JPH2: variants seen among roughly 807,000 people sequenced by gnomAD.
JPH2 encodes junctophilin-2.
A neutral mutation model predicts 55.9 loss-of-function variants in JPH2; 38 were observed. The observed-to-expected ratio is 0.68, with a 90% CI of 0.52 to 0.89. The LOEUF (loss-of-function observed/expected upper bound fraction) is 0.89. Among genes scored for constraint, JPH2 ranks in the 40% least tolerant of loss-of-function variants. The pLI is 0.00. For missense variants in JPH2, 964 were observed against 1,037.6 expected, an observed-to-expected ratio of 0.93 and a Z score of 0.97; for synonymous variants, 480 against 472.4, an observed-to-expected ratio of 1.02 and a Z score of -0.21.
rs1273230924 is a variant in JPH2, at chr20:44,160,162, C to A, written c.625G>T (p.Glu209Ter). Residue 209 changes from glutamate to a stop codon, truncating the protein, a stop_gained, in exon 2 of 6, where the codon GAG (glutamate) becomes TAG (stop). Coordinates refer to ENST00000372980, the MANE Select transcript of JPH2 (RefSeq NM_020433.5). LOFTEE classifies it high-confidence loss of function. The surrounding 1 kb of genome is among the most constrained non-coding windows in gnomAD (Gnocchi z 4.9). ...CCCTTGGGCGCCCGCGCGGCCGCCT[C>A]GGCATTGGCCAGGAGGCTGAGCGCG... is the stretch of plus-strand genomic sequence containing the variant. ...GFALSLLANA[E>*]AAARAPKGGG... The A allele has an allele frequency of 7.0e-7, 1 of 1,420,894 alleles. No individual in the cohort carries two copies. 88.0% of individuals were successfully genotyped at this position (1,420,894 alleles called of 1,614,324 possible).
intron 1 of JPH2, among the ~76,000 whole-genome samples, chr20:44,175,001 T>TA (rs11483850): frequency 0.12 from 17,905 of 150,298 alleles, 1,671 homozygotes; most frequent in Admixed American, 0.32. Flanking sequence ...TGTCTCAAAT[T>TA]AAAAAAAAAG....
At chr20:44,148,896 T>C (rs1380380259) in intron 2 of JPH2, among the ~76,000 whole-genome samples, 1 of 151,910 alleles carries the variant, frequency 6.6e-6, no homozygotes, top group Non-Finnish European at 1.5e-5. Context: ...ACCCCGTCTC[T>C]ACTAAAAAAA....
At chr20:44,133,911 TACA>T (rs371091813) in intron 2 of JPH2, among the ~76,000 whole-genome samples, 12 of 40,942 alleles carry the variant, frequency 2.9e-4, no homozygotes, top group South Asian at 1.3e-3. Context: ...TAAATAAATA[TACA>T]TTATAATATA....
At chr20:44,185,027 C>T (rs2072820616) in intron 1 of JPH2, among the ~76,000 whole-genome samples, 1 of 152,204 alleles carries the variant, frequency 6.6e-6, no homozygotes, top group Non-Finnish European at 1.5e-5. Flanking sequence ...CCTCCCACCA[C>T]AGCTTCCCAA....
intron 2 of JPH2, among the ~76,000 whole-genome samples, chr20:44,127,679 C>T (rs113330353): frequency 3.3e-5 from 5 of 151,702 alleles, no homozygotes; most frequent in African/African-American, 4.8e-5. Flanking sequence ...TTAGTAGAGA[C>T]GGGGTTTCAT....
chr20:44,183,946 G>A (rs957704940), intron 1 of JPH2, among the ~76,000 whole-genome samples: 1 of 151,964 alleles, frequency 6.6e-6, no homozygotes, highest in Non-Finnish European at 1.5e-5. Context: ...GAGGTCAGGA[G>A]TTCAAGACCA....
Position 44,186,309 on chromosome 20 carries a change from G to C in JPH2, c.379+18C>G. On this transcript the variant is annotated intron_variant, in intron 1 of 5. Transcript: ENST00000372980. ...CCCTGGCTCCACCCCACCTCTGCGGGCCCCCAGCTGGCCTCACCTCCATCA... is the reference window on the plus strand; with the variant it reads ...CCCTGGCTCCACCCCACCTCTGCGGCCCCCCAGCTGGCCTCACCTCCATCA... The C allele has an allele frequency of 6.2e-7, 1 of 1,606,236 alleles. No individual in the cohort carries two copies. The highest frequency in any genetic ancestry group is 1.4e-5 in the African/African-American group (1 of 73,738).
intron 1 of JPH2, among the ~76,000 whole-genome samples, chr20:44,165,993 C>A (rs569851483): frequency 6.6e-6 from 1 of 152,320 alleles, no homozygotes; most frequent in African/African-American, 2.4e-5. Context: ...TCCCCCCTCA[C>A]TGGCATGCGA....
chr20:44,120,309 G>C (rs1026684593), intron 2 of JPH2, among the ~76,000 whole-genome samples: 1 of 152,132 alleles, frequency 6.6e-6, no homozygotes, highest in Non-Finnish European at 1.5e-5. Context: ...ACAGTTGCAC[G>C]TGACAGGAGC....
chr20:44,115,912 T>C lies in JPH2; in HGVS notation c.1763A>G (p.Glu588Gly). The change falls in exon 4 of 6, where the codon GAG (glutamate) becomes GGG (glycine). Residue 588 changes from glutamate to glycine, a missense_variant. Transcript: ENST00000372980. ...GGGCGCGGACTCGGACCCGGAGACC[T>C]CGGGCTCGGGCTGGTCCTCAAAGGG... ...PPPFEDQPEP[E>G]VSGSESAPSS... The C allele has an allele frequency of 6.4e-7, 1 of 1,570,264 alleles. No homozygotes were observed. The highest frequency in any genetic ancestry group is 8.6e-7 in the Non-Finnish European group (1 of 1,164,510).
intron 2 of JPH2, among the ~76,000 whole-genome samples, chr20:44,152,145 C>T (rs2072535758): frequency 6.6e-6 from 1 of 152,248 alleles, no homozygotes; most frequent in African/African-American, 2.4e-5. Flanking sequence ...AGCGCCCTGG[C>T]ACAAGCCTGG....
intron 2 of JPH2, among the ~76,000 whole-genome samples, chr20:44,139,460 C>T (rs1016838701): frequency 6.6e-6 from 1 of 152,122 alleles, no homozygotes; most frequent in African/African-American, 2.4e-5. Flanking sequence ...AATTGTGGCA[C>T]AGCTATATAA....
chr20:44,184,969 T>C (rs2072820048), intron 1 of JPH2, among the ~76,000 whole-genome samples: 2 of 152,204 alleles, frequency 1.3e-5, no homozygotes, highest in South Asian at 4.1e-4. Context: ...AAAATGGGGA[T>C]CTTGCTAGAT....
intron 2 of JPH2, among the ~76,000 whole-genome samples, chr20:44,119,919 C>G (rs2072223005): frequency 6.6e-6 from 1 of 151,506 alleles, no homozygotes; most frequent in South Asian, 2.1e-4. Context: ...ACCCCTAAAC[C>G]TAGGCAGCCC....
intron 2 of JPH2, among the ~76,000 whole-genome samples, chr20:44,123,843 T>A (rs1252326138): frequency 6.6e-6 from 1 of 152,178 alleles, no homozygotes; most frequent in Non-Finnish European, 1.5e-5. Flanking sequence ...AAAAGCCAGC[T>A]CCATCTTGAA....
rs374460978 is a variant in JPH2 at position 44,137,064 on chromosome 20, T to C, written c.1170-18441A>G. Among the ~76,000 whole-genome samples the C allele has an allele frequency of 2.6e-4, 40 of 152,354 alleles. No homozygotes were observed. The South Asian group carries it at 5.2e-3, about 20-fold the overall frequency. On this transcript the variant is annotated intron_variant, in intron 2 of 5. Transcript: ENST00000372980. Reference sequence around the variant, plus strand: ...TTGTGAACAGGAGAGACTCGCCTTCTGGAACTTACAGACCAGCTCAGCATT... The same window carrying C: ...TTGTGAACAGGAGAGACTCGCCTTCCGGAACTTACAGACCAGCTCAGCATT...
At chr20:44,118,157 T>G (rs2072207544) in intron 3 of JPH2, among the ~76,000 whole-genome samples, 4 of 152,102 alleles carry the variant, frequency 2.6e-5, no homozygotes, top group Admixed American at 2.6e-4. Flanking sequence ...TGCTCAATGC[T>G]TGACTGAAAC....
intron 1 of JPH2, among the ~76,000 whole-genome samples, chr20:44,179,193 T>C (rs1261030131): frequency 1.3e-5 from 2 of 152,234 alleles, no homozygotes; most frequent in East Asian, 3.8e-4. Flanking sequence ...GGGCCTCATT[T>C]AATTCTCTCA....
chr20:44,143,487 G>A lies in JPH2; in HGVS notation c.1169+16131C>T, dbSNP rs186585726. The stretch of plus-strand genomic sequence containing the variant: ...CGCTTGGGAAACTCCCAGTGAATGC[G>A]GCACTGGAGCCCGCATCCATCCTTC... On this transcript the variant is annotated intron_variant, in intron 2 of 5. Transcript: ENST00000372980. 3.9e-5 allele frequency among the ~76,000 whole-genome samples: 6 copies of A among 152,316 alleles called. No individual in the cohort carries two copies. The East Asian group carries it at 7.7e-4, about 20-fold the overall frequency.
Sources: gnomAD v4.1 joint callset for allele counts (sites outside exome capture counted in the v4.1 genomes callset) on GRCh38, gnomAD v4.1.1 for gene constraint, Gnocchi (gnomAD v3.1) non-coding constraint, MANE v1.5 for transcripts, NCBI Gene and HGNC (gene_info 2026-07-23, HGNC 2026-07-21) for gene names.